Variants in SYT1 observed in about 807,000 individuals in gnomAD.
SYT1 encodes synaptotagmin-1.
A neutral mutation model predicts 44.8 loss-of-function variants in SYT1; 8 were observed. That is an observed-to-expected ratio of 0.18 (90% confidence interval 0.10 to 0.32). SYT1 has a LOEUF of 0.32. Among genes scored for constraint, SYT1 ranks in the 10% least tolerant of loss-of-function variants. SYT1 has a pLI of 1.00. For synonymous variants in SYT1, 154 were observed against 188.8 expected, an observed-to-expected ratio of 0.82 and a Z score of 1.51; for missense variants, 286 against 509.3, an observed-to-expected ratio of 0.56 and a Z score of 4.22.
intron 2 of SYT1, among the ~76,000 whole-genome samples, chr12:79,014,033 G>T (rs766860045): frequency 8.1e-5 from 12 of 147,480 alleles, no homozygotes; most frequent in Non-Finnish European, 1.5e-4. Flanking sequence ...CATGAGGCAG[G>T]AGAATCGCTT....
At chr12:79,277,004 AAGGAAG>A (rs1055255283) in intron 4 of SYT1, among the ~76,000 whole-genome samples, 11 of 151,646 alleles carry the variant, frequency 7.3e-5, no homozygotes, top group Non-Finnish European at 1.2e-4. Flanking sequence ...AGGAGGAGAA[AAGGAAG>A]AGGAAGAGGA....
At chr12:79,410,444 T>C (rs1458794462) in intron 9 of SYT1, among the ~76,000 whole-genome samples, 1 of 141,932 alleles carries the variant, frequency 7.0e-6, no homozygotes, top group East Asian at 2.1e-4. Context: ...CTTCCTCATC[T>C]CTCTTTTCCA....
intron 8 of SYT1, among the ~76,000 whole-genome samples, chr12:79,320,526 A>G (rs1881301687): frequency 6.6e-6 from 1 of 152,054 alleles, no homozygotes; most frequent in African/African-American, 2.4e-5. Context: ...TCTGTATTAG[A>G]TGAGGAACAG....
intron 3 of SYT1, among the ~76,000 whole-genome samples, chr12:79,179,118 A>T: frequency 7.7e-6 from 1 of 129,172 alleles, no homozygotes; most frequent in African/African-American, 3.0e-5. Flanking sequence ...AGATATAGAT[A>T]TAGATATAGA....
intron 2 of SYT1, among the ~76,000 whole-genome samples, chr12:79,022,814 C>T (rs899453388): frequency 2.0e-5 from 3 of 151,524 alleles, no homozygotes; most frequent in African/African-American, 7.3e-5. Context: ...GAGAACTGTG[C>T]TAAATTAAGC....
intron 7 of SYT1, among the ~76,000 whole-genome samples, chr12:79,299,174 G>T (rs1244819196): frequency 6.6e-6 from 1 of 151,950 alleles, no homozygotes; most frequent in Non-Finnish European, 1.5e-5. Flanking sequence ...TTGAGATAAG[G>T]CAATAAATCA....
At chr12:79,016,037 T>C (rs1871784461) in intron 2 of SYT1, among the ~76,000 whole-genome samples, 1 of 152,192 alleles carries the variant, frequency 6.6e-6, no homozygotes, top group Admixed American at 6.5e-5. Flanking sequence ...TAAGGTCAGA[T>C]GATAACTTTT....
intron 8 of SYT1, among the ~76,000 whole-genome samples, chr12:79,350,576 G>C (rs1157298694): frequency 2.0e-5 from 3 of 152,040 alleles, no homozygotes; most frequent in Non-Finnish European, 4.4e-5. Flanking sequence ...TCTTGCTCTT[G>C]TTTCACATAA....
chr12:79,075,470 G>A (rs545737623), intron 3 of SYT1, among the ~76,000 whole-genome samples: 266 of 152,206 alleles, frequency 1.7e-3, no homozygotes, highest in South Asian at 4.8e-3. Flanking sequence ...CTGATATAAG[G>A]AAATAGAGCC....
At chr12:79,312,673 A>G (rs904675147) in intron 8 of SYT1, among the ~76,000 whole-genome samples, 2 of 152,016 alleles carry the variant, frequency 1.3e-5, no homozygotes, top group African/African-American at 2.4e-5. Context: ...TTGATTTTTA[A>G]GATTTTTTAA....
chr12:78,981,870 A>G (rs1869289305), intron 2 of SYT1, among the ~76,000 whole-genome samples: 1 of 152,262 alleles, frequency 6.6e-6, no homozygotes, highest in African/African-American at 2.4e-5. Context: ...GTATTTTACC[A>G]TTTCTCATTT....
At position 79,216,951 on chromosome 12, in the gene SYT1, T is replaced by C. The variant is rs116397550; in HGVS notation, c.-17-552T>C. On this transcript the variant is annotated intron_variant, in intron 3 of 10. Coordinates refer to ENST00000261205, the MANE Select transcript of SYT1 (RefSeq NM_005639.3). Reference sequence around the variant, plus strand: ...GGGGTGAAAACTTACCATCAATAAATAAGATTCAAGAACCAATTACTGTAA... The same window carrying C: ...GGGGTGAAAACTTACCATCAATAAACAAGATTCAAGAACCAATTACTGTAA... Among the ~76,000 whole-genome samples the C allele has an allele frequency of 6.2e-3, 946 of 152,114 alleles. 9 individuals carry two copies. Among genetic ancestry groups the C allele is most frequent in the African/African-American group, 0.022 (910 of 41,512 alleles).
At chr12:79,368,445 T>C (rs1207913098) in intron 9 of SYT1, among the ~76,000 whole-genome samples, 1 of 151,650 alleles carries the variant, frequency 6.6e-6, no homozygotes, top group Non-Finnish European at 1.5e-5. Flanking sequence ...ATGGTATTTC[T>C]AGTTCTAGAT....
intron 8 of SYT1, among the ~76,000 whole-genome samples, chr12:79,301,052 G>A (rs2138885211): frequency 6.6e-6 from 1 of 151,764 alleles, no homozygotes; most frequent in South Asian, 2.1e-4. Context: ...ATTTAACAAA[G>A]TAGTGGGATG....
At chr12:79,065,673 A>G (rs529260262) in intron 3 of SYT1, among the ~76,000 whole-genome samples, 19 of 152,360 alleles carry the variant, frequency 1.2e-4, no homozygotes, top group Middle Eastern at 3.4e-3. Context: ...GAAACCCATC[A>G]TAATCACTTC....
intron 3 of SYT1, among the ~76,000 whole-genome samples, chr12:79,142,411 C>T (rs1415682162): frequency 6.6e-6 from 1 of 152,014 alleles, no homozygotes; most frequent in Non-Finnish European, 1.5e-5. Context: ...CTGGGAGAGA[C>T]AAAATGTAGA....
intron 3 of SYT1, among the ~76,000 whole-genome samples, chr12:79,123,352 T>TGTGTGTGTGTGTGTG (rs1565816421): frequency 1.2e-4 from 18 of 149,786 alleles, no homozygotes; most frequent in African/African-American, 2.5e-4. Context: ...TGTGTGTGTG[T>TGTGTGTGTGTGTGTG]TTAGCTATCA....
chr12:79,287,490 T>A (rs1879368002), intron 5 of SYT1, among the ~76,000 whole-genome samples: 2 of 152,170 alleles, frequency 1.3e-5, no homozygotes, highest in Admixed American at 1.3e-4. Flanking sequence ...GGAAATAACC[T>A]CCTAGATGGA....
intron 3 of SYT1, among the ~76,000 whole-genome samples, chr12:79,146,180 C>T (rs1465152747): frequency 1.2e-4 from 19 of 152,158 alleles, no homozygotes. Context: ...CAGCCTGTGT[C>T]CTAACCATCT....
Sources: allele counts gnomAD v4.1 joint callset (sites outside exome capture counted in the v4.1 genomes callset), GRCh38; gene constraint gnomAD v4.1.1; transcripts MANE v1.5; gene names NCBI Gene and HGNC (gene_info 2026-07-23, HGNC 2026-07-21).